Variants in ETV5 observed in about 807,000 individuals in gnomAD.
The protein encoded by ETV5 is ETS translocation variant 5.
ETV5 carries 10 observed loss-of-function variants against 70.0 expected under a neutral mutation model. The ratio of observed to expected loss-of-function variants is 0.14; its 90% CI spans 0.09 to 0.24. The LOEUF (loss-of-function observed/expected upper bound fraction) is 0.24. Ranked by LOEUF, ETV5 falls within the 10% of genes least tolerant of loss-of-function variation. ETV5 has a pLI of 1.00. For missense variants in ETV5, 453 were observed against 651.2 expected, an observed-to-expected ratio of 0.70 and a Z score of 3.31; for synonymous variants, 216 against 242.2, an observed-to-expected ratio of 0.89 and a Z score of 1.01.
chr3:186,081,115 T>C lies in ETV5; in HGVS notation c.293A>G (p.Glu98Gly). The C allele has an allele frequency of 2.5e-6, 4 of 1,613,744 alleles. No individual in the cohort carries two copies. The highest frequency in any genetic ancestry group is 3.4e-6 in the Non-Finnish European group (4 of 1,179,816). ...CTGCTCATGGCTACAAGACGACAGC[T>C]CAGAGGAGGGGCTGTGCAGCTCCCG... ...IKRELHSPSS[E>G]LSSCSHEQAL... The change falls in exon 6 of 13, where the codon GAG becomes GGG. Residue 98 changes from glutamate to glycine, a missense_variant. Physicochemically the swap from Glu to Gly is moderately conservative, Grantham distance 98. This residue lies in a region of ETV5 where 307 missense variants were observed against 344.9 expected (regional missense o/e 0.89). Coordinates refer to ENST00000306376, the MANE Select transcript of ETV5 (RefSeq NM_004454.3).
chr3:186,096,647 G>A (rs1381435642), intron 5 of ETV5, among the ~76,000 whole-genome samples: 1 of 152,080 alleles, frequency 6.6e-6, no homozygotes, highest in African/African-American at 2.4e-5. Context: ...AAATCCTTGA[G>A]GCAAAACACA....
intron 9 of ETV5, among the ~76,000 whole-genome samples, chr3:186,063,323 G>A (rs914621642): frequency 2.0e-5 from 3 of 152,166 alleles, no homozygotes; most frequent in African/African-American, 7.2e-5. Context: ...CCAAGAAACT[G>A]ACATTCTAGC....
chr3:186,048,711 T>C lies in ETV5; in HGVS notation c.1461A>G (p.Glu487=). The change falls in exon 13 of 13, where the codon GAA becomes GAG. Residue 487 remains glutamate (E), a synonymous_variant. Coordinates refer to ENST00000306376, the MANE Select transcript of ETV5 (RefSeq NM_004454.3). The part of the protein sequence containing the change: ...EEDTLPLTHF[E]DSPAYLLDMD... The stretch of plus-strand genomic sequence containing the variant: ...TGTCCAGGAGGTAAGCGGGGCTGTC[T>C]TCAAAGTGGGTCAGCGGCAGGGTGT... 2 of 1,614,174 alleles carry C rather than the reference T, an allele frequency of 1.2e-6. No individual in the cohort carries two copies. The highest frequency in any genetic ancestry group is 2.2e-5 in the East Asian group (1 of 44,884).
chr3:186,081,840 A>T (rs1209717682), intron 5 of ETV5, among the ~76,000 whole-genome samples: 1 of 152,188 alleles, frequency 6.6e-6, no homozygotes, highest in African/African-American at 2.4e-5. Context: ...TGCTTACAAC[A>T]TCTGCTCCAG....
intron 9 of ETV5, among the ~76,000 whole-genome samples, chr3:186,061,084 G>T (rs1454916218): frequency 6.6e-6 from 1 of 152,176 alleles, no homozygotes; most frequent in Non-Finnish European, 1.5e-5. Context: ...CTAACCAAGT[G>T]AGTGCGAAGC....
rs995801975 is a variant in ETV5 at position 186,047,333 on chromosome 3, G to C, written c.*1306C>G. 4 of 230,574 alleles carry C rather than the reference G, an allele frequency of 1.7e-5. No homozygotes were observed. Among genetic ancestry groups the C allele is most frequent in the African/African-American group, 6.7e-5 (3 of 45,100 alleles). The allele number at this position is 230,574 out of a possible 1,614,324, so 14.3% of individuals were successfully genotyped here. A position where few individuals can be genotyped will look rare whatever the true frequency, so the allele number is the denominator to read the frequency against. ...TGTTGCTTACCTGTCAGTATCACAC[G>C]TAAGTCTCAAACCCTACTGAATCAC... On this transcript the variant is annotated 3_prime_UTR_variant, in exon 13 of 13. Transcript: ENST00000306376.
At chr3:186,073,495 T>A (rs535338110) in intron 7 of ETV5, among the ~76,000 whole-genome samples, 1 of 152,176 alleles carries the variant, frequency 6.6e-6, no homozygotes, top group African/African-American at 2.4e-5. Context: ...CAACCCCAGA[T>A]CTGTCAGTCT....
intron 7 of ETV5, among the ~76,000 whole-genome samples, chr3:186,074,382 A>C (rs1214644706): frequency 6.6e-6 from 1 of 152,200 alleles, no homozygotes; most frequent in Non-Finnish European, 1.5e-5. Flanking sequence ...TTAGCAGTAA[A>C]TTCTTCAAAA....
At chr3:186,095,861 G>C (rs1714290568) in intron 5 of ETV5, among the ~76,000 whole-genome samples, 1 of 152,254 alleles carries the variant, frequency 6.6e-6, no homozygotes, top group Non-Finnish European at 1.5e-5. Context: ...GGCTGGGGCA[G>C]CTGGGATGGG....
At chr3:186,093,264 A>ATG (rs565306050) in intron 5 of ETV5, among the ~76,000 whole-genome samples, 90 of 152,330 alleles carry the variant, frequency 5.9e-4, no homozygotes, top group African/African-American at 2.1e-3. Context: ...GGAAGGGGGA[A>ATG]TGACTAGACA....
chr3:186,048,580 T>G lies in ETV5; in HGVS notation c.*59A>C, dbSNP rs1712937553. On this transcript the variant is annotated 3_prime_UTR_variant, in exon 13 of 13. Transcript: ENST00000306376. ...AAAAACACAAACAAAACCACTGCCCTTGTTTGCCTGAATGGGAACTGCTAG... is the reference window on the plus strand; with the variant it reads ...AAAAACACAAACAAAACCACTGCCCGTGTTTGCCTGAATGGGAACTGCTAG... 2 of 1,483,662 alleles carry G rather than the reference T, an allele frequency of 1.3e-6. No individual in the cohort carries two copies. Among genetic ancestry groups the G allele is most frequent in the Non-Finnish European group, 1.9e-6 (2 of 1,064,350 alleles). 91.9% of individuals were successfully genotyped at this position (1,483,662 alleles called of 1,614,324 possible).
At chr3:186,093,170 C>G (rs923097992) in intron 5 of ETV5, among the ~76,000 whole-genome samples, 1 of 152,128 alleles carries the variant, frequency 6.6e-6, no homozygotes, top group African/African-American at 2.4e-5. Flanking sequence ...GACCCCAGAA[C>G]AAAGCCCGTC....
At chr3:186,088,108 T>C (rs1714099627) in intron 5 of ETV5, among the ~76,000 whole-genome samples, 1 of 152,234 alleles carries the variant, frequency 6.6e-6, no homozygotes, top group African/African-American at 2.4e-5. Context: ...TTTTGGGGTT[T>C]TCCTTGTCCC....
Position 186,105,882 on chromosome 3 carries a change from T to C in ETV5, c.-14A>G. 2.5e-6 allele frequency: 4 copies of C among 1,613,686 alleles called. No individual in the cohort carries two copies. In the African/African-American group the frequency reaches 4.0e-5, roughly 16 times the overall value. On this transcript the variant is annotated 5_prime_UTR_variant, in exon 2 of 13. Transcript: ENST00000306376. This position sits in a 1 kb window ranked among gnomAD's most constrained non-coding sequence, Gnocchi z 4.5. ...AAACCCGTCCATGGTGCTTTCAGCGTCTCTAATACCACTTTGAGAGGTTTC... is the reference window on the plus strand; with the variant it reads ...AAACCCGTCCATGGTGCTTTCAGCGCCTCTAATACCACTTTGAGAGGTTTC...
At chr3:186,075,661 C>A (rs1423481515) in intron 7 of ETV5, among the ~76,000 whole-genome samples, 1 of 152,186 alleles carries the variant, frequency 6.6e-6, no homozygotes, top group African/African-American at 2.4e-5. Context: ...AAGACACTAC[C>A]CAGTTGACCT....
intron 5 of ETV5, among the ~76,000 whole-genome samples, chr3:186,084,805 T>C (rs1714019459): frequency 6.6e-6 from 1 of 152,244 alleles, no homozygotes; most frequent in East Asian, 1.9e-4. Flanking sequence ...GGAGATACTC[T>C]ACTCGCTCAC....
chr3:186,084,640 CCTCAG>C (rs754031145), intron 5 of ETV5, among the ~76,000 whole-genome samples: 10 of 152,112 alleles, frequency 6.6e-5, no homozygotes, highest in Non-Finnish European at 1.2e-4. Context: ...TAGATTAGGG[CCTCAG>C]TATGCTGAAT....
intron 5 of ETV5, among the ~76,000 whole-genome samples, chr3:186,087,095 A>C (rs992648801): frequency 6.6e-6 from 1 of 152,242 alleles, no homozygotes; most frequent in Non-Finnish European, 1.5e-5. Flanking sequence ...CATTATAAAG[A>C]TATCGATTCT....
At position 186,065,862 on chromosome 3, in the gene ETV5, C is replaced by G. The variant is rs144014237; in HGVS notation, c.861G>C (p.Gln287His). 1 of 1,614,102 alleles carries G rather than the reference C, an allele frequency of 6.2e-7. No individual in the cohort carries two copies. Among genetic ancestry groups the G allele is most frequent in the East Asian group, 2.2e-5 (1 of 44,868 alleles). ...GCTCCTGCTTGATTCCCATTGGTGA[C>G]TGGAACCCGTGTGCTGGGGGCCCTG... is the stretch of plus-strand genomic sequence containing the variant. ...GMPGPPAHGF[Q>H]SPMGIKQEPR... Residue 287 changes from glutamine (Q) to histidine (H), a missense_variant, in exon 8 of 13, where the codon CAG becomes CAC. Around this residue, in one of 4 missense-constraint regions of ETV5, gnomAD observed 307 missense variants for 344.9 expected, o/e 0.89. Coordinates refer to ENST00000306376, the MANE Select transcript of ETV5 (RefSeq NM_004454.3).
Sources: allele counts gnomAD v4.1 joint callset (sites outside exome capture counted in the v4.1 genomes callset), GRCh38; gene constraint gnomAD v4.1.1; regional missense constraint gnomAD v4.1.1; non-coding constraint Gnocchi (gnomAD v3.1); transcripts MANE v1.5; gene names NCBI Gene and HGNC (gene_info 2026-07-23, HGNC 2026-07-21).